RBFOX3: variants seen among roughly 807,000 people sequenced by gnomAD.
RBFOX3 encodes RNA binding protein fox-1 homolog 3.
Under a neutral mutation model 48.7 loss-of-function variants are expected in RBFOX3, and 17 were observed. The ratio of observed to expected loss-of-function variants is 0.35; its 90% CI spans 0.24 to 0.52. The LOEUF (loss-of-function observed/expected upper bound fraction) is 0.52. Among genes scored for constraint, RBFOX3 ranks in the 20% least tolerant of loss-of-function variants. The probability of loss-of-function intolerance (pLI) is 0.94; values close to 1 mark genes in which losing one functional copy is unlikely to be tolerated. For missense variants in RBFOX3, 382 were observed against 497.5 expected (o/e 0.77, Z 2.21); for synonymous variants, 212 against 209.5 (o/e 1.01, Z -0.10).
chr17:79,398,074 G>T (rs538383062), intron 2 of RBFOX3, among the ~76,000 whole-genome samples: 1 of 151,546 alleles, frequency 6.6e-6, no homozygotes, highest in Admixed American at 6.6e-5. Context: ...CGAGGCTCTG[G>T]GCGCCTTGTC....
chr17:79,537,399 C>T (rs1394979635), intron 1 of RBFOX3, among the ~76,000 whole-genome samples: 1 of 152,184 alleles, frequency 6.6e-6, no homozygotes, highest in East Asian at 1.9e-4. Context: ...CTCATCTTAA[C>T]TTGATGAAAT....
intron 2 of RBFOX3, among the ~76,000 whole-genome samples, chr17:79,422,024 G>A (rs961949234): frequency 2.0e-5 from 3 of 152,000 alleles, no homozygotes; most frequent in Non-Finnish European, 4.4e-5. Context: ...AGCCTCATGG[G>A]GTACAGAGGC....
At chr17:79,095,595 G>C in intron 12 of RBFOX3, 21 bp from the exon 13 acceptor site, 1 of 1,548,780 alleles carries the variant, frequency 6.5e-7, no homozygotes. Context: ...AGTGGGAGGA[G>C]AGAGAGCAGA....
intron 1 of RBFOX3, among the ~76,000 whole-genome samples, chr17:79,583,662 A>G (rs1361656956): frequency 6.6e-6 from 1 of 152,308 alleles, no homozygotes; most frequent in East Asian, 1.9e-4. Context: ...AGAGGAGTGC[A>G]ACCTCTAGAG....
At chr17:79,436,730 T>G (rs1394674965) in intron 2 of RBFOX3, among the ~76,000 whole-genome samples, 2 of 151,996 alleles carry the variant, frequency 1.3e-5, no homozygotes, top group African/African-American at 4.8e-5. Flanking sequence ...AGGACCTGAG[T>G]GTTTCCCACA....
intron 4 of RBFOX3, among the ~76,000 whole-genome samples, chr17:79,168,267 G>A (rs2048433636): frequency 6.6e-6 from 1 of 152,236 alleles, no homozygotes; most frequent in Admixed American, 6.5e-5. Context: ...CCTGCGACCA[G>A]TGCCTCCAAA....
intron 3 of RBFOX3, among the ~76,000 whole-genome samples, chr17:79,281,516 G>A (rs1357288120): frequency 6.6e-6 from 1 of 152,202 alleles, no homozygotes; most frequent in East Asian, 1.9e-4. Context: ...TTGGATGTAT[G>A]GGGTTAGCTT....
At position 79,406,340 on chromosome 17, in the gene RBFOX3, C is replaced by T. The variant is rs372057657; in HGVS notation, c.-175+76114G>A. Among the ~76,000 whole-genome samples the T allele has an allele frequency of 1.9e-4, 29 of 152,174 alleles. No homozygotes were observed. The East Asian group carries it at 3.1e-3, about 16-fold the overall frequency. ...CCCCAAAATTCTCACCCGTGGCTCC[C>T]GCTGGGGGATCTTGACTCTGCCAGG... On this transcript the variant is annotated intron_variant, in intron 2 of 14. Transcript: ENST00000693108.
intron 14 of RBFOX3, chr17:79,092,388 A>G: frequency 3.0e-6 from 3 of 985,748 alleles, no homozygotes; most frequent in Non-Finnish European, 3.6e-6. Flanking sequence ...ACCAGGGTCA[A>G]AGACACACAC....
intron 1 of RBFOX3, among the ~76,000 whole-genome samples, chr17:79,583,022 A>G (rs2093128977): frequency 6.6e-6 from 1 of 152,120 alleles, no homozygotes; most frequent in African/African-American, 2.4e-5. Flanking sequence ...TGTTGAGGGC[A>G]CTGCAGGGGA....
the RBFOX3 span, among the ~76,000 whole-genome samples, chr17:79,638,890 C>G: frequency 3.9e-5 from 6 of 152,200 alleles, no homozygotes; most frequent in African/African-American, 1.4e-4. Flanking sequence ...TGGCATCACA[C>G]TTTTTGTAGT....
chr17:79,187,028 A>G (rs1034450571), intron 4 of RBFOX3, among the ~76,000 whole-genome samples: 1 of 152,182 alleles, frequency 6.6e-6, no homozygotes, highest in African/African-American at 2.4e-5. Flanking sequence ...TTCAGTGTGT[A>G]CCTCTGTGAA....
At position 79,392,128 on chromosome 17, in the gene RBFOX3, C is replaced by T. The variant is rs2061448092; in HGVS notation, c.-174-84304G>A. On this transcript the variant is annotated intron_variant, in intron 2 of 14. Transcript: ENST00000693108. The surrounding 1 kb of genome is among the most constrained non-coding windows in gnomAD (Gnocchi z 5.0). ...AAACTCTTTTAGCCTCAGCACCTTCCTCTGTGAAATGGAGCCAACAACAGC... is the reference window on the plus strand; with the variant it reads ...AAACTCTTTTAGCCTCAGCACCTTCTTCTGTGAAATGGAGCCAACAACAGC... 6.6e-6 allele frequency among the ~76,000 whole-genome samples: 1 copy of T among 152,226 alleles called. No homozygotes were observed. Among genetic ancestry groups the T allele is most frequent in the African/African-American group, 2.4e-5 (1 of 41,466 alleles).
intron 6 of RBFOX3, 31 bp downstream of exon 6, chr17:79,106,620 G>T: frequency 7.0e-7 from 1 of 1,431,688 alleles, no homozygotes. Context: ...CAGGTGTGGA[G>T]GGCAGGATGG....
upstream of RBFOX3, among the ~76,000 whole-genome samples, chr17:79,611,746 A>C (rs953249135): frequency 1.3e-5 from 2 of 152,118 alleles, no homozygotes; most frequent in Admixed American, 1.3e-4. Context: ...CACTAGGCCC[A>C]GGTGCCCTGA....
rs951343611 is a variant in RBFOX3 at position 79,205,643 on chromosome 17, C to G, written c.-34+30123G>C. 1.3e-5 allele frequency among the ~76,000 whole-genome samples: 2 copies of G among 152,216 alleles called. No individual in the cohort carries two copies. The highest frequency in any genetic ancestry group is 2.9e-5 in the Non-Finnish European group (2 of 68,008). ...GTTCAATTCACCTACAAAACAGAACCCTACAAAAACCAGATGAATCAGAGT... is the reference window on the plus strand; with the variant it reads ...GTTCAATTCACCTACAAAACAGAACGCTACAAAAACCAGATGAATCAGAGT... On this transcript the variant is annotated intron_variant, in intron 4 of 14. Transcript: ENST00000693108. This position sits in a 1 kb window ranked among gnomAD's most constrained non-coding sequence, Gnocchi z 4.5.
chr17:79,583,868 G>A (rs2093155645), intron 1 of RBFOX3, among the ~76,000 whole-genome samples: 1 of 152,200 alleles, frequency 6.6e-6, no homozygotes, highest in South Asian at 2.1e-4. Flanking sequence ...TGGGAAAGGA[G>A]GGAAGTGAAC....
At chr17:79,105,277 G>A (rs372080283) in intron 6 of RBFOX3, among the ~76,000 whole-genome samples, 3 of 152,194 alleles carry the variant, frequency 2.0e-5, no homozygotes. Context: ...GGGGGACAGT[G>A]TCCCCATCCT....
At chr17:79,134,981 G>A (rs1218684501) in intron 4 of RBFOX3, 1 of 152,364 alleles carries the variant, frequency 6.6e-6, no homozygotes, top group Admixed American at 6.5e-5. Context: ...GGGGGACTCT[G>A]AGTGCCGTCC....
Sources: allele counts gnomAD v4.1 joint callset (sites outside exome capture counted in the v4.1 genomes callset), GRCh38; gene constraint gnomAD v4.1.1; non-coding constraint Gnocchi (gnomAD v3.1); transcripts MANE v1.5; gene names NCBI Gene and HGNC (gene_info 2026-07-23, HGNC 2026-07-21).